FLRT2: variants seen among roughly 807,000 people sequenced by gnomAD.
FLRT2 encodes the protein fibronectin leucine rich transmembrane protein 2.
Under a neutral mutation model 40.0 loss-of-function variants are expected in FLRT2, and 15 were observed. The ratio of observed to expected loss-of-function variants is 0.38; its 90% CI spans 0.25 to 0.58. The LOEUF is 0.58. Among genes scored for constraint, FLRT2 ranks in the 20% least tolerant of loss-of-function variants. The probability of loss-of-function intolerance (pLI) is 0.71; values close to 1 mark genes in which losing one functional copy is unlikely to be tolerated. For synonymous variants in FLRT2, 380 were observed against 336.8 expected, an observed-to-expected ratio of 1.13 and a Z score of -1.41; for missense variants, 726 against 840.0, an observed-to-expected ratio of 0.86 and a Z score of 1.68.
intron 1 of FLRT2, among the ~76,000 whole-genome samples, chr14:85,585,422 G>A (rs538658829): frequency 7.6e-4 from 115 of 152,258 alleles, no homozygotes; most frequent in African/African-American, 2.7e-3. Context: ...GCAGTGTTCA[G>A]TTATACTGAT....
chr14:85,600,791 G>T (rs1041392227), intron 1 of FLRT2, among the ~76,000 whole-genome samples: 2 of 152,138 alleles, frequency 1.3e-5, no homozygotes, highest in Non-Finnish European at 2.9e-5. Flanking sequence ...AACTTCCAGT[G>T]CTGGGAAAGA....
In FLRT2 at chr14:85,622,689, G is replaced by A. The variant is rs201580499; in HGVS notation, c.1175G>A (p.Ser392Asn). Residue 392 changes from serine to asparagine, a missense_variant, in exon 2 of 2, where the codon AGC becomes AAC. Ser to Asn is a conservative substitution (Grantham distance 46). Coordinates refer to ENST00000330753, the MANE Select transcript of FLRT2 (RefSeq NM_013231.6). ...CCCACCCTCTCTATTCCAAACCCTA[G>A]CAGAAGCTACACGCCTCCAACTCCT... ...QPPTLSIPNPSRSYTPPTPTT... is the reference protein window; with the variant it reads ...QPPTLSIPNPNRSYTPPTPTT... The A allele has an allele frequency of 2.0e-5, 32 of 1,613,906 alleles. No homozygotes were observed. In the East Asian group the frequency reaches 5.6e-4, roughly 28 times the overall value.
At chr14:85,604,637 G>A (rs1429237975) in intron 1 of FLRT2, among the ~76,000 whole-genome samples, 1 of 151,940 alleles carries the variant, frequency 6.6e-6, no homozygotes, top group Admixed American at 6.6e-5. Flanking sequence ...AATAAGCCTA[G>A]GACTGTTTTT....
intron 1 of FLRT2, among the ~76,000 whole-genome samples, chr14:85,613,919 A>C (rs1893008701): frequency 6.6e-6 from 1 of 152,236 alleles, no homozygotes; most frequent in Non-Finnish European, 1.5e-5. Context: ...TCAATGAATG[A>C]ACAAGGAAAG....
intron 1 of FLRT2, among the ~76,000 whole-genome samples, chr14:85,608,226 G>A (rs533368838): frequency 3.4e-4 from 51 of 151,092 alleles, no homozygotes; most frequent in Non-Finnish European, 6.5e-4. Context: ...CTTGATAAAT[G>A]ATTTTTTTTT....
intron 1 of FLRT2, among the ~76,000 whole-genome samples, chr14:85,538,942 C>T (rs1888826492): frequency 6.6e-6 from 1 of 152,000 alleles, no homozygotes; most frequent in Non-Finnish European, 1.5e-5. Flanking sequence ...CCACTTTGCT[C>T]CCAAAATTGG....
Position 85,637,480 on chromosome 14 carries a change from C to G in FLRT2, c.*13983C>G, listed in dbSNP as rs1451735440. ...GAAGACTCATTTAAAGTTACTAGCA[C>G]AGTGTCTAGTATATACAGTTGCTTT... On this transcript the variant is annotated 3_prime_UTR_variant, in exon 2 of 2. Coordinates refer to ENST00000330753, the MANE Select transcript of FLRT2 (RefSeq NM_013231.6). 1.3e-5 allele frequency: 2 copies of G among 152,194 alleles called. No homozygotes were observed. Among genetic ancestry groups the G allele is most frequent in the Non-Finnish European group, 1.5e-5 (1 of 68,042 alleles). 9.4% of individuals were successfully genotyped at this position (152,194 alleles called of 1,614,324 possible).
intron 1 of FLRT2, among the ~76,000 whole-genome samples, chr14:85,576,919 G>A (rs1891147498): frequency 6.6e-6 from 1 of 152,164 alleles, no homozygotes; most frequent in African/African-American, 2.4e-5. Context: ...CACACGTTTT[G>A]TATTTCTATT....
At position 85,630,312 on chromosome 14, in the gene FLRT2, T is replaced by C. The variant is rs1441054767; in HGVS notation, c.*6815T>C. 7.6e-6 allele frequency: 1 copy of C among 131,654 alleles called. No homozygotes were observed. Among genetic ancestry groups the C allele is most frequent in the Non-Finnish European group, 1.6e-5 (1 of 61,944 alleles). The allele number at this position is 131,654 out of a possible 1,614,324, so 8.2% of individuals were successfully genotyped here. A position where few individuals can be genotyped will look rare whatever the true frequency, so the allele number is the denominator to read the frequency against. ...TTTTTTTTTTTTTTTTTTTTTGGTA[T>C]GAAGTCTAAACTAGACGAAAACCTC... On this transcript the variant is annotated 3_prime_UTR_variant, in exon 2 of 2. Transcript: ENST00000330753.
Position 85,643,934 on chromosome 14 carries a change from A to G in FLRT2, c.*20437A>G, listed in dbSNP as rs899962730. The G allele has an allele frequency of 6.6e-6, 1 of 152,182 alleles. No homozygotes were observed. Among genetic ancestry groups the G allele is most frequent in the African/African-American group, 2.4e-5 (1 of 41,456 alleles). The allele number at this position is 152,182 out of a possible 1,614,324, so 9.4% of individuals were successfully genotyped here. Reference sequence around the variant, plus strand: ...AACTGTGTTTAACCTGTTTTCAAGAATGGATAATTGCTCATTATAGCTTCA... The same window carrying G: ...AACTGTGTTTAACCTGTTTTCAAGAGTGGATAATTGCTCATTATAGCTTCA... On this transcript the variant is annotated 3_prime_UTR_variant, in exon 2 of 2. Coordinates refer to ENST00000330753, the MANE Select transcript of FLRT2 (RefSeq NM_013231.6).
At chr14:85,605,951 T>A (rs552240355) in intron 1 of FLRT2, among the ~76,000 whole-genome samples, 1 of 152,244 alleles carries the variant, frequency 6.6e-6, no homozygotes, top group South Asian at 2.1e-4. Flanking sequence ...TTTATTATAT[T>A]GAGATGAAAG....
chr14:85,642,132 C>CAAAAAAAAAAAAAAAAAA lies in FLRT2; in HGVS notation c.*18650_*18651insAAAAAAAAAAAAAAAAAA. On this transcript the variant is annotated 3_prime_UTR_variant, in exon 2 of 2. Coordinates refer to ENST00000330753, the MANE Select transcript of FLRT2 (RefSeq NM_013231.6). ...CTTACAGTTTCAAGGTTGCTGTTGACAAAAAAAAAAAAAAAGAAAGAAAGA... is the reference window on the plus strand; with the variant it reads ...CTTACAGTTTCAAGGTTGCTGTTGACAAAAAAAAAAAAAAAAAAAAAAAAAAAAAAAAAGAAAGAAAGA... The CAAAAAAAAAAAAAAAAAA allele has an allele frequency of 7.8e-6, 1 of 128,760 alleles. No individual in the cohort carries two copies. 8.0% of individuals were successfully genotyped at this position (128,760 alleles called of 1,614,324 possible). A position where few individuals can be genotyped will look rare whatever the true frequency, so the allele number is the denominator to read the frequency against.
rs542709354 is a variant in FLRT2, at chr14:85,649,405, A to T, written c.*25908A>T. 3 of 152,218 alleles carry T rather than the reference A, an allele frequency of 2.0e-5. No homozygotes were observed. In the South Asian group the frequency reaches 6.2e-4, roughly 32 times the overall value. The allele number at this position is 152,218 out of a possible 1,614,324, so 9.4% of individuals were successfully genotyped here. ...CTTTAATAATTTGAAAAACAAGAAG[A>T]TAATCAGGAACCAAGATGGATATGT... On this transcript the variant is annotated 3_prime_UTR_variant, in exon 2 of 2. Coordinates refer to ENST00000330753, the MANE Select transcript of FLRT2 (RefSeq NM_013231.6).
At position 85,636,954 on chromosome 14, in the gene FLRT2, AGAG is replaced by A. The variant is rs1170253239; in HGVS notation, c.*13458_*13460del. ...CAAAAAAAAAAAAAAAAAAAAAAAA[AGAG>A]AGAGACTAACATTCTAACAGACAAA... On this transcript the variant is annotated 3_prime_UTR_variant, in exon 2 of 2. Coordinates refer to ENST00000330753, the MANE Select transcript of FLRT2 (RefSeq NM_013231.6). 6.9e-6 allele frequency: 1 copy of A among 145,862 alleles called. No individual in the cohort carries two copies. Among genetic ancestry groups the A allele is most frequent in the Non-Finnish European group, 1.5e-5 (1 of 66,520 alleles). The allele number at this position is 145,862 out of a possible 1,614,324, so 9.0% of individuals were successfully genotyped here.
intron 1 of FLRT2, among the ~76,000 whole-genome samples, chr14:85,563,903 A>T (rs1315426023): frequency 2.0e-5 from 3 of 152,230 alleles, no homozygotes; most frequent in African/African-American, 7.2e-5. Context: ...ATTTGTACAT[A>T]ACTCAATGGA....
At chr14:85,537,920 C>T (rs889010428) in intron 1 of FLRT2, among the ~76,000 whole-genome samples, 3 of 150,966 alleles carry the variant, frequency 2.0e-5, no homozygotes, top group African/African-American at 7.3e-5. Context: ...TCTACTGTGG[C>T]TCTTTGAAGT....
chr14:85,651,738 G>T lies in FLRT2; in HGVS notation c.*28241G>T, dbSNP rs1894438355. 6.6e-6 allele frequency: 1 copy of T among 151,830 alleles called. No homozygotes were observed. The highest frequency in any genetic ancestry group is 2.4e-5 in the African/African-American group (1 of 41,372). 9.4% of individuals were successfully genotyped at this position (151,830 alleles called of 1,614,324 possible). ...CTTTCTATGTCTTTATGATTAAATT[G>T]TGTGCCTTACAAGGAGGTTTTACTT... On this transcript the variant is annotated 3_prime_UTR_variant, in exon 2 of 2. Coordinates refer to ENST00000330753, the MANE Select transcript of FLRT2 (RefSeq NM_013231.6).
At chr14:85,569,625 C>T (rs527737458) in intron 1 of FLRT2, among the ~76,000 whole-genome samples, 25 of 152,326 alleles carry the variant, frequency 1.6e-4, no homozygotes, top group East Asian at 1.2e-3. Flanking sequence ...GTGAGGAATG[C>T]GCTGTAAGAA....
At position 85,537,882 on chromosome 14, in the gene FLRT2, C is replaced by T. The variant is rs568682210; in HGVS notation, c.-377+7348C>T. Among the ~76,000 whole-genome samples the T allele has an allele frequency of 4.7e-5, 7 of 148,178 alleles. No individual in the cohort carries two copies. In the South Asian group the frequency reaches 1.5e-3, roughly 32 times the overall value. On this transcript the variant is annotated intron_variant, in intron 1 of 1. Transcript: ENST00000330753. ...TCTTCCTTAGCGAATTTCACATCTA[C>T]TGGTGTTTTTGGTTTTCTTTGATTC... is the stretch of plus-strand genomic sequence containing the variant.
Sources: gnomAD v4.1 joint callset for allele counts (sites outside exome capture counted in the v4.1 genomes callset) on GRCh38, gnomAD v4.1.1 for gene constraint, MANE v1.5 for transcripts, NCBI Gene and HGNC (gene_info 2026-07-23, HGNC 2026-07-21) for gene names.